PTPN21: variants seen among roughly 807,000 people sequenced by gnomAD.
PTPN21 encodes protein tyrosine phosphatase non-receptor type 21.
PTPN21 carries 77 observed loss-of-function variants against 131.8 expected under a neutral mutation model. The ratio of observed to expected loss-of-function variants is 0.58; its 90% confidence interval spans 0.49 to 0.71. The LOEUF (loss-of-function observed/expected upper bound fraction) is 0.71, where lower values mean the gene tolerates loss of function less well. Among genes scored for constraint, PTPN21 ranks in the 30% least tolerant of loss-of-function variants. The probability of loss-of-function intolerance (pLI) is 0.00; values close to 1 mark genes in which losing one functional copy is unlikely to be tolerated. For synonymous variants in PTPN21, 715 were observed against 621.3 expected (o/e 1.15, Z -2.24); for missense variants, 1,552 against 1,527.1 (o/e 1.02, Z -0.27).
intron 6 of PTPN21, among the ~76,000 whole-genome samples, chr14:88,502,804 G>A (rs11845147): frequency 0.31 from 46,972 of 151,868 alleles, 7,395 homozygotes; most frequent in African/African-American, 0.35. Context: ...TTAATCCCAG[G>A]GTAATGAACT....
chr14:88,544,239 G>T lies in PTPN21; in HGVS notation c.180+5999C>A, dbSNP rs1007246979. Reference sequence around the variant, plus strand: ...AGGTGCCTGTAATCCCAGCTACTTGGGAGGCTGAGGTGAGAGAATCGCTTG... The same window carrying T: ...AGGTGCCTGTAATCCCAGCTACTTGTGAGGCTGAGGTGAGAGAATCGCTTG... On this transcript the variant is annotated intron_variant, in intron 2 of 18. Coordinates refer to ENST00000556564, the MANE Select transcript of PTPN21 (RefSeq NM_007039.4). 3.9e-5 allele frequency among the ~76,000 whole-genome samples: 6 copies of T among 152,204 alleles called. No homozygotes were observed. In the East Asian group the frequency reaches 1.2e-3, roughly 30 times the overall value.
At chr14:88,486,704 G>GC (rs545406345) in intron 10 of PTPN21, among the ~76,000 whole-genome samples, 62 of 152,178 alleles carry the variant, frequency 4.1e-4, no homozygotes, top group African/African-American at 1.4e-3. Context: ...AAGGCCAGGC[G>GC]CAGTGGCTCA....
Position 88,469,193 on chromosome 14 carries a change from G to T in PTPN21, c.3236-117C>A. 8.4e-7 allele frequency: 1 copy of T among 1,185,172 alleles called. No homozygotes were observed. The highest frequency in any genetic ancestry group is 1.2e-6 in the Non-Finnish European group (1 of 855,752). The allele number at this position is 1,185,172 out of a possible 1,614,324, so 73.4% of individuals were successfully genotyped here. ...GGACTGCAGATAAAGAGCACTGGGT[G>T]CCAGTGAACCAAACCCAACCACAAA... On this transcript the variant is annotated intron_variant, in intron 17 of 18. Transcript: ENST00000556564. This position sits in a 1 kb window ranked among gnomAD's most constrained non-coding sequence, Gnocchi z 4.3.
At chr14:88,503,872 T>C (rs1382434742) in intron 6 of PTPN21, 2 of 152,500 alleles carry the variant, frequency 1.3e-5, no homozygotes, top group Non-Finnish European at 2.9e-5. Flanking sequence ...TATTTTTTCT[T>C]ACAGGCAACA....
Position 88,469,633 on chromosome 14 carries a change from G to A in PTPN21, c.3101C>T (p.Thr1034Ile). 1.9e-6 allele frequency: 3 copies of A among 1,614,176 alleles called. No homozygotes were observed. The highest frequency in any genetic ancestry group is 2.5e-6 in the Non-Finnish European group (3 of 1,180,036). ...GRFKITTRFR[T>I]DSGCYATTGL... is the part of the protein sequence containing the mutation. ...TGTGGTGGCATAGCAGCCAGAGTCT[G>A]TGCGGAACCGGGTCGTGATCTTAAA... The change falls in exon 17 of 19, where the codon ACA becomes ATA. Residue 1034 changes from threonine to isoleucine, a missense_variant. Physicochemically the swap from Thr to Ile is moderately conservative, Grantham distance 89. Coordinates refer to ENST00000556564, the MANE Select transcript of PTPN21 (RefSeq NM_007039.4). The surrounding 1 kb of genome is among the most constrained non-coding windows in gnomAD (Gnocchi z 4.3).
intron 10 of PTPN21, among the ~76,000 whole-genome samples, chr14:88,486,066 T>TC (rs147620217): frequency 0.037 from 5,598 of 152,168 alleles, 348 homozygotes; most frequent in African/African-American, 0.13. Flanking sequence ...GGTTTCAGGC[T>TC]CCCCACACAG....
chr14:88,479,550 C>A lies in PTPN21; in HGVS notation c.1881G>T (p.Ala627=). 1 of 1,599,274 alleles carries A rather than the reference C, an allele frequency of 6.3e-7. No homozygotes were observed. Among genetic ancestry groups the A allele is most frequent in the Non-Finnish European group, 8.5e-7 (1 of 1,179,000 alleles). ...TCCGTTTGTGCAGCTGCGCGTGGCG[C>A]GCGGCGGTGAGGGGCTCGCTGACCT... ...LQEVSEPLTA[A]RHAQLHKRNS... Residue 627 remains alanine, a synonymous_variant, in exon 13 of 19, where the codon GCG becomes GCT. Coordinates refer to ENST00000556564, the MANE Select transcript of PTPN21 (RefSeq NM_007039.4).
chr14:88,468,384 T>G (rs2066866224), intron 18 of PTPN21, 119 bp from the exon 19 acceptor site: 2 of 989,694 alleles, frequency 2.0e-6, no homozygotes, highest in Non-Finnish European at 2.9e-6. Flanking sequence ...CTTTTCCACC[T>G]TAGCGTCTTC....
At chr14:88,503,315 G>A (rs2078041627) in intron 6 of PTPN21, among the ~76,000 whole-genome samples, 2 of 152,192 alleles carry the variant, frequency 1.3e-5, no homozygotes, top group Admixed American at 6.5e-5. Context: ...TTACAGGTGT[G>A]AGCCACTGCT....
chr14:88,507,616 A>G (rs7143642), intron 4 of PTPN21, among the ~76,000 whole-genome samples: 51,759 of 152,040 alleles, frequency 0.34, 9,267 homozygotes, highest in African/African-American at 0.46. Flanking sequence ...TTTGTTGAAC[A>G]AAATGTCATT....
intron 8 of PTPN21, chr14:88,499,199 G>T (rs1367276385): frequency 6.6e-6 from 1 of 152,202 alleles, no homozygotes; most frequent in African/African-American, 2.4e-5. Flanking sequence ...TGCCAAAGGG[G>T]AGCCACCCAG....
chr14:88,511,756 CG>C (rs2078187914), intron 3 of PTPN21, among the ~76,000 whole-genome samples: 1 of 152,128 alleles, frequency 6.6e-6, no homozygotes, highest in Admixed American at 6.5e-5. Flanking sequence ...AGAAATTGCA[CG>C]TTTTGATTCA....
intron 18 of PTPN21, 28 bp from the exon 19 acceptor site, chr14:88,468,293 T>C (rs1357207570): frequency 6.4e-7 from 1 of 1,573,466 alleles, no homozygotes; most frequent in Non-Finnish European, 8.6e-7. Flanking sequence ...GTAATGAAGA[T>C]AATGTGTTCC....
At chr14:88,496,318 C>A (rs2077915098) in intron 10 of PTPN21, 95 bp downstream of exon 10, 1 of 1,141,176 alleles carries the variant, frequency 8.8e-7, no homozygotes. Context: ...AAGATGTCAA[C>A]TGATAAAATG....
chr14:88,517,341 C>T, intron 2 of PTPN21, 80 bp from the exon 3 acceptor site: 1 of 1,459,632 alleles, frequency 6.9e-7, no homozygotes, highest in Non-Finnish European at 9.5e-7. Flanking sequence ...AATCCCTGAC[C>T]TGTGACCAAA....
intron 8 of PTPN21, among the ~76,000 whole-genome samples, chr14:88,499,093 G>T (rs1221771420): frequency 6.6e-6 from 1 of 152,136 alleles, no homozygotes; most frequent in Non-Finnish European, 1.5e-5. Context: ...TGCTCTTCAG[G>T]TGAAGCCACG....
intron 5 of PTPN21, among the ~76,000 whole-genome samples, chr14:88,504,819 C>T (rs1164271692): frequency 1.3e-5 from 2 of 152,150 alleles, no homozygotes; most frequent in Non-Finnish European, 2.9e-5. Flanking sequence ...ACTGTGTAGA[C>T]ACTCAGAACA....
Position 88,479,936 on chromosome 14 carries a change from G to A in PTPN21, c.1495C>T (p.His499Tyr). The A allele has an allele frequency of 6.2e-7, 1 of 1,605,992 alleles. No individual in the cohort carries two copies. The highest frequency in any genetic ancestry group is 8.5e-7 in the Non-Finnish European group (1 of 1,179,714). Residue 499 changes from histidine (H) to tyrosine (Y), a missense_variant, in exon 13 of 19, where the codon CAC (histidine) becomes TAC (tyrosine). Transcript: ENST00000556564. ...GCCGCTGGCGAGGGGAGCTGTGCGTGCTCGCGGATCTCGGGCTGGCTGTAG... is the reference window on the plus strand; with the variant it reads ...GCCGCTGGCGAGGGGAGCTGTGCGTACTCGCGGATCTCGGGCTGGCTGTAG... ...LVYSQPEIRE[H>Y]AQLPSPAAAH...
Position 88,479,191 on chromosome 14 carries a change from G to A in PTPN21, c.2240C>T (p.Pro747Leu), listed in dbSNP as rs143646028. The change falls in exon 13 of 19, where the codon CCT becomes CTT. Residue 747 changes from proline to leucine, a missense_variant. Physicochemically the swap from Pro to Leu is moderately conservative, Grantham distance 98. Around this residue, in one of 4 missense-constraint regions of PTPN21, gnomAD observed 1,016 missense variants for 883.5 expected, o/e 1.15. Transcript: ENST00000556564. Reference sequence around the variant, plus strand: ...CAGGGGCCCGGCGAGCAGGACGCGAGGGCAGCCAGGTGGGTCCTGGGCCAG... The same window carrying A: ...CAGGGGCCCGGCGAGCAGGACGCGAAGGCAGCCAGGTGGGTCCTGGGCCAG... ...PGLAQDPPGC[P>L]RVLLAGPLHI... 5.2e-5 allele frequency: 81 copies of A among 1,571,118 alleles called. No individual in the cohort carries two copies. The highest frequency in any genetic ancestry group is 6.7e-5 in the Non-Finnish European group (78 of 1,161,378).
Sources: allele counts gnomAD v4.1 joint callset (sites outside exome capture counted in the v4.1 genomes callset), GRCh38; gene constraint gnomAD v4.1.1; regional missense constraint gnomAD v4.1.1; non-coding constraint Gnocchi (gnomAD v3.1); transcripts MANE v1.5; gene names NCBI Gene and HGNC (gene_info 2026-07-23, HGNC 2026-07-21).